The following ABCA4 variants were observed in gnomAD, a reference collection of about 807,000 sequenced individuals.
The protein encoded by ABCA4 is ATP binding cassette subfamily A member 4.
In ABCA4, 196 loss-of-function variants were observed where a neutral mutation model predicts 263.7. The observed-to-expected ratio is 0.74, with a 90% CI of 0.66 to 0.84. The LOEUF is 0.84. ABCA4 is among the 40% of genes least tolerant of loss of function. The probability of loss-of-function intolerance (pLI) is 0.00; values close to 1 mark genes in which losing one functional copy is unlikely to be tolerated. For missense variants in ABCA4, 2,792 were observed against 2,855.1 expected, an observed-to-expected ratio of 0.98 and a Z score of 0.50; for synonymous variants, 1,133 against 1,094.2, an observed-to-expected ratio of 1.04 and a Z score of -0.70.
At chr1:93,996,242 C>T (rs1284119081) in intron 48 of ABCA4, 47 bp from the exon 49 acceptor site, 1 of 1,407,558 alleles carries the variant, frequency 7.1e-7, no homozygotes, top group South Asian at 1.2e-5. Flanking sequence ...TCCAGGAAAA[C>T]AGCACCCTAC....
chr1:94,110,349 C>T (rs1662570804), intron 3 of ABCA4, among the ~76,000 whole-genome samples: 1 of 152,190 alleles, frequency 6.6e-6, no homozygotes, highest in Admixed American at 6.5e-5. Context: ...TGGGGAAGGC[C>T]ACCTCCAATC....
intron 22 of ABCA4, among the ~76,000 whole-genome samples, chr1:94,041,883 G>C (rs1409807573): frequency 1.3e-5 from 2 of 152,122 alleles, no homozygotes; most frequent in African/African-American, 4.8e-5. Flanking sequence ...ATCACCTGAG[G>C]TCGGGAGATC....
intron 6 of ABCA4, among the ~76,000 whole-genome samples, chr1:94,095,960 C>G (rs1662115601): frequency 1.3e-5 from 2 of 151,896 alleles, no homozygotes; most frequent in African/African-American, 2.4e-5. Context: ...TCCTCTGGGC[C>G]ATCTCCCGGT....
chr1:94,078,494 C>T (rs557090287), intron 10 of ABCA4, 96 bp downstream of exon 10: 19 of 982,616 alleles, frequency 1.9e-5, no homozygotes, highest in African/African-American at 3.2e-5. Context: ...ACTCCAATAG[C>T]GATTAACTCT....
intron 35 of ABCA4, among the ~76,000 whole-genome samples, chr1:94,020,769 G>T (rs76400424): frequency 6.6e-6 from 1 of 152,314 alleles, no homozygotes; most frequent in South Asian, 2.1e-4. Context: ...AACGCACAAG[G>T]CCACTGTCTC....
chr1:94,030,020 G>A (rs1231080621), intron 29 of ABCA4, among the ~76,000 whole-genome samples: 5 of 152,182 alleles, frequency 3.3e-5, no homozygotes, highest in African/African-American at 1.2e-4. Flanking sequence ...GGATGTCAAT[G>A]GCCTTCGCTA....
In ABCA4 at chr1:94,121,114, C is replaced by T. The variant is rs1354172061; in HGVS notation, c.-69G>A. ...CTCAGACAGCAAAGGACATAAACGC[C>T]GTTAAGAGCGCCTCTGGCTCCGGAC... On this transcript the variant is annotated 5_prime_UTR_variant, in exon 1 of 50. Coordinates refer to ENST00000370225, the MANE Select transcript of ABCA4 (RefSeq NM_000350.3). 19 of 1,439,030 alleles carry T rather than the reference C, an allele frequency of 1.3e-5. No individual in the cohort carries two copies. Among genetic ancestry groups the T allele is most frequent in the East Asian group, 6.8e-5 (3 of 44,056 alleles). The allele number at this position is 1,439,030 out of a possible 1,614,324, so 89.1% of individuals were successfully genotyped here.
intron 19 of ABCA4, chr1:94,045,721 A>C (rs905993825): frequency 1.5e-5 from 7 of 456,054 alleles, no homozygotes; most frequent in Non-Finnish European, 2.6e-5. Flanking sequence ...AACAGAACCA[A>C]TTAGAATGGC....
At chr1:94,056,468 C>T in intron 15 of ABCA4, 133 bp downstream of exon 15, 1 of 967,936 alleles carries the variant, frequency 1.0e-6, no homozygotes, top group South Asian at 1.4e-5. Context: ...TACATTTTAG[C>T]CTCACGTGAA....
In ABCA4 at chr1:94,103,084, G is replaced by A. The variant is rs1220682793; in HGVS notation, c.501C>T (p.Leu167=). 4 of 1,614,012 alleles carry A rather than the reference G, an allele frequency of 2.5e-6. No homozygotes were observed. The African/African-American group carries it at 5.3e-5, about 22-fold the overall frequency. Residue 167 remains leucine (L), a synonymous_variant, in exon 5 of 50, where the codon CTC becomes CTT. Transcript: ENST00000370225. ...AGTCAGACAGGCCGATGTTTTTAAT[G>A]AGAAATAGTGTCAGTGTTTCTTCAT... ...LKDEETLTLF[L]IKNIGLSDSV... is the part of the protein sequence containing the mutation.
At chr1:94,066,120 G>C (rs1388049954) in intron 11 of ABCA4, among the ~76,000 whole-genome samples, 1 of 152,206 alleles carries the variant, frequency 6.6e-6, no homozygotes, top group Non-Finnish European at 1.5e-5. Flanking sequence ...GTTTGGGTCT[G>C]TTGAGGGTGG....
rs1659354254 is a variant in ABCA4 at position 94,005,502 on chromosome 1, C to A, written c.6086G>T (p.Gly2029Val). The A allele has an allele frequency of 6.2e-7, 1 of 1,614,148 alleles. No individual in the cohort carries two copies. ...QFDAIDELLT[G>V]REHLYLYARL... is the part of the protein sequence containing the mutation. The stretch of plus-strand genomic sequence containing the variant: ...GGCATAAAGGTAAAGATGTTCTCGT[C>A]CTGTGAGCAGCTCATCAATTGCATC... The change falls in exon 44 of 50, where the codon GGA becomes GTA. Residue 2029 changes from glycine to valine, a missense_variant. By Grantham distance (109) the Gly-to-Val change is moderately radical. Transcript: ENST00000370225.
At chr1:94,010,420 G>A (rs1659513221) in intron 40 of ABCA4, among the ~76,000 whole-genome samples, 1 of 152,060 alleles carries the variant, frequency 6.6e-6, no homozygotes. Context: ...ATTAGCAAAG[G>A]GGCCTGCTGT....
At chr1:94,071,828 G>A (rs750576524) in intron 11 of ABCA4, among the ~76,000 whole-genome samples, 5 of 152,190 alleles carry the variant, frequency 3.3e-5, no homozygotes, top group Non-Finnish European at 7.3e-5. Flanking sequence ...TTGCCTATGA[G>A]TTGCTTAGGA....
chr1:94,056,856 G>GC, intron 14 of ABCA4, 34 bp from the exon 15 acceptor site: 1 of 1,535,362 alleles, frequency 6.5e-7, no homozygotes, highest in Non-Finnish European at 8.9e-7. Context: ...AGTAACTCCT[G>GC]CCCTTGGCCG....
chr1:94,001,206 A>G (rs1462515852), intron 45 of ABCA4, 101 bp from the exon 46 acceptor site: 2 of 919,468 alleles, frequency 2.2e-6, no homozygotes, highest in Non-Finnish European at 3.4e-6. Flanking sequence ...GAGCTGACAG[A>G]AGGCGCACAC....
chr1:94,065,538 C>A (rs1476603657), intron 11 of ABCA4, among the ~76,000 whole-genome samples: 2 of 152,206 alleles, frequency 1.3e-5, no homozygotes, highest in Admixed American at 6.5e-5. Context: ...AAGCCTCTGG[C>A]GATTCAGAGG....
intron 11 of ABCA4, among the ~76,000 whole-genome samples, chr1:94,071,724 C>A (rs1201597591): frequency 6.6e-6 from 1 of 152,200 alleles, no homozygotes; most frequent in African/African-American, 2.4e-5. Context: ...CTATTTGGAC[C>A]TCCACCCATG....
At chr1:94,099,021 T>G (rs1342271568) in intron 5 of ABCA4, 30 bp from the exon 6 acceptor site, 1 of 1,588,832 alleles carries the variant, frequency 6.3e-7, no homozygotes. Context: ...CACTAGAAAC[T>G]GCCCTGTGGT....
Sources: gnomAD v4.1 joint callset for allele counts (sites outside exome capture counted in the v4.1 genomes callset) on GRCh38, gnomAD v4.1.1 for gene constraint, MANE v1.5 for transcripts, NCBI Gene and HGNC (gene_info 2026-07-23, HGNC 2026-07-21) for gene names.